The following EYS variants were observed in gnomAD, a reference collection of about 807,000 sequenced individuals.
The protein encoded by EYS is protein eyes shut homolog.
Under a neutral mutation model 282.1 loss-of-function variants are expected in EYS, and 250 were observed. The ratio of observed to expected loss-of-function variants is 0.89; its 90% CI spans 0.80 to 0.98. The LOEUF is 0.98. Ranked by LOEUF, EYS falls within the 50% of genes least tolerant of loss-of-function variation. The pLI, the probability that EYS is intolerant of heterozygous loss-of-function variation, is 0.00. For missense variants in EYS, 4,016 were observed against 3,709.0 expected, an observed-to-expected ratio of 1.08 and a Z score of -2.15; for synonymous variants, 1,355 against 1,282.9, an observed-to-expected ratio of 1.06 and a Z score of -1.20.
chr6:64,928,454 T>C (rs191312836), intron 15 of EYS, among the ~76,000 whole-genome samples: 14 of 152,264 alleles, frequency 9.2e-5, no homozygotes, highest in African/African-American at 3.1e-4. Context: ...GTTATAGTCA[T>C]GGTCATTGCC....
chr6:65,355,512 A>G (rs148530302), intron 8 of EYS, among the ~76,000 whole-genome samples: 52 of 152,282 alleles, frequency 3.4e-4, no homozygotes, highest in Non-Finnish European at 6.5e-4. Context: ...AGCAAAAGAA[A>G]TAATCAATAA....
intron 2 of EYS, among the ~76,000 whole-genome samples, chr6:65,501,715 T>C (rs553518572): frequency 1.3e-5 from 2 of 151,890 alleles, no homozygotes; most frequent in Admixed American, 6.6e-5. Flanking sequence ...TAATTCCATA[T>C]ATGACATTAT....
chr6:64,131,755 G>A (rs1427235629), intron 31 of EYS, among the ~76,000 whole-genome samples: 1 of 152,114 alleles, frequency 6.6e-6, no homozygotes, highest in Non-Finnish European at 1.5e-5. Context: ...TGAAAAGCAT[G>A]GATTCGATTT....
At chr6:64,452,364 G>GAAAC (rs1775384116) in intron 26 of EYS, among the ~76,000 whole-genome samples, 1 of 152,066 alleles carries the variant, frequency 6.6e-6, no homozygotes, top group Non-Finnish European at 1.5e-5. Context: ...AAAGAGGACA[G>GAAAC]AAACAAATGG....
chr6:64,152,822 G>T (rs1424298501), intron 31 of EYS, among the ~76,000 whole-genome samples: 1 of 152,090 alleles, frequency 6.6e-6, no homozygotes, highest in African/African-American at 2.4e-5. Context: ...GGTTTACAAG[G>T]CTATATATGT....
At chr6:65,237,799 A>G (rs889235837) in intron 12 of EYS, among the ~76,000 whole-genome samples, 1 of 152,146 alleles carries the variant, frequency 6.6e-6, no homozygotes, top group African/African-American at 2.4e-5. Flanking sequence ...CATTTTTTGA[A>G]CTAGTAATTA....
At chr6:64,955,697 C>T (rs928074703) in intron 14 of EYS, among the ~76,000 whole-genome samples, 1 of 152,126 alleles carries the variant, frequency 6.6e-6, no homozygotes, top group African/African-American at 2.4e-5. Flanking sequence ...GTAATAACTA[C>T]GATGGAGTCA....
chr6:65,174,805 G>A (rs952212945), intron 12 of EYS, among the ~76,000 whole-genome samples: 2 of 151,264 alleles, frequency 1.3e-5, no homozygotes, highest in African/African-American at 2.4e-5. Flanking sequence ...AATTACATTT[G>A]TATGTATTAT....
At chr6:65,412,393 T>C (rs1304481371) in intron 5 of EYS, among the ~76,000 whole-genome samples, 4 of 152,144 alleles carry the variant, frequency 2.6e-5, no homozygotes, top group African/African-American at 9.6e-5. Flanking sequence ...ATGTATAGTT[T>C]TTAAAGAAAC....
At chr6:65,557,791 T>C (rs1274876777) in intron 2 of EYS, among the ~76,000 whole-genome samples, 2 of 152,114 alleles carry the variant, frequency 1.3e-5, no homozygotes, top group African/African-American at 4.8e-5. Context: ...AGAGGAGTTT[T>C]ATTGAGTGAC....
intron 33 of EYS, among the ~76,000 whole-genome samples, chr6:64,015,671 G>T (rs1451536264): frequency 6.6e-6 from 1 of 152,172 alleles, no homozygotes; most frequent in Admixed American, 6.5e-5. Context: ...TGAGGTGAAG[G>T]TGAATAAAAT....
At chr6:64,099,170 A>G (rs1397730593) in intron 31 of EYS, among the ~76,000 whole-genome samples, 1 of 152,174 alleles carries the variant, frequency 6.6e-6, no homozygotes, top group Non-Finnish European at 1.5e-5. Flanking sequence ...AAATACAGTC[A>G]TAGTAATTCA....
At chr6:64,481,947 T>C (rs1776449582) in intron 26 of EYS, among the ~76,000 whole-genome samples, 1 of 151,664 alleles carries the variant, frequency 6.6e-6, no homozygotes, top group African/African-American at 2.4e-5. Context: ...AAAAAGAAAC[T>C]CAAACAGCAT....
At chr6:65,512,000 A>G (rs1461797335) in intron 2 of EYS, among the ~76,000 whole-genome samples, 1 of 150,994 alleles carries the variant, frequency 6.6e-6, no homozygotes, top group Non-Finnish European at 1.5e-5. Flanking sequence ...AAAAAAAAAA[A>G]AAAAAAAAGA....
chr6:63,799,452 A>G (rs1770731432), intron 37 of EYS, among the ~76,000 whole-genome samples: 1 of 152,122 alleles, frequency 6.6e-6, no homozygotes, highest in African/African-American at 2.4e-5. Context: ...CTTCTTCACT[A>G]CAATCCGAAT....
Position 64,394,415 on chromosome 6 carries a change from C to A in EYS, c.5928-5575G>T, listed in dbSNP as rs569344414. ...GGCTACAGTAACCAAAACAGCATGG[C>A]ACTGGTACCAAACAGAGATATAGAT... is the stretch of plus-strand genomic sequence containing the variant. On this transcript the variant is annotated intron_variant, in intron 28 of 42. Transcript: ENST00000503581. 1.8e-4 allele frequency among the ~76,000 whole-genome samples: 27 copies of A among 152,150 alleles called. No individual in the cohort carries two copies. In the East Asian group the frequency reaches 4.8e-3, roughly 27 times the overall value.
chr6:64,007,609 T>C (rs138674367), intron 33 of EYS, among the ~76,000 whole-genome samples: 1 of 151,920 alleles, frequency 6.6e-6, no homozygotes, highest in Non-Finnish European at 1.5e-5. Flanking sequence ...ATCTAACTTT[T>C]TGATATGGGC....
intron 14 of EYS, among the ~76,000 whole-genome samples, chr6:64,981,631 G>T (rs1046815825): frequency 4.0e-5 from 6 of 151,262 alleles, no homozygotes; most frequent in African/African-American, 7.3e-5. Flanking sequence ...TCCTGTACAT[G>T]GTTGAGCCAT....
intron 29 of EYS, among the ~76,000 whole-genome samples, chr6:64,323,213 C>T (rs1770283393): frequency 7.0e-6 from 1 of 143,504 alleles, no homozygotes; most frequent in Non-Finnish European, 1.5e-5. Context: ...ATTATTTCTT[C>T]AATGCTAGGG....
Sources: gnomAD v4.1 joint callset for allele counts (sites outside exome capture counted in the v4.1 genomes callset) on GRCh38, gnomAD v4.1.1 for gene constraint, MANE v1.5 for transcripts, NCBI Gene and HGNC (gene_info 2026-07-23, HGNC 2026-07-21) for gene names.